The following PCMT1 variants were observed in gnomAD, a reference collection of about 807,000 sequenced individuals.
PCMT1 encodes protein-L-isoaspartate(D-aspartate) O-methyltransferase.
Under a neutral mutation model 29.2 loss-of-function variants are expected in PCMT1, and 9 were observed. The observed-to-expected ratio is 0.31, with a 90% CI of 0.19 to 0.54. PCMT1 has a LOEUF of 0.54. Among genes scored for constraint, PCMT1 ranks in the 20% least tolerant of loss-of-function variants. The pLI is 0.95. For missense variants in PCMT1, 184 were observed against 282.2 expected (o/e 0.65, Z 2.49); for synonymous variants, 98 against 97.5 (o/e 1.00, Z -0.03).
At chr6:149,793,431 T>C (rs1788462287) in intron 4 of PCMT1, 118 bp from the exon 5 acceptor site, 2 of 790,896 alleles carry the variant, frequency 2.5e-6, no homozygotes, top group East Asian at 6.7e-5. Flanking sequence ...TATAGAAGCC[T>C]TAAGCTATTT....
Position 149,763,227 on chromosome 6 carries a change from T to G in PCMT1, c.56-7935T>G, listed in dbSNP as rs1359073261. On this transcript the variant is annotated intron_variant, in intron 1 of 7. Coordinates refer to ENST00000464889, the MANE Select transcript of PCMT1 (RefSeq NM_001360452.2). ...ATATCTATGATATCTATGATATAAA[T>G]ATCTATGATATCTATGATATATATA... 3.1e-5 allele frequency among the ~76,000 whole-genome samples: 2 copies of G among 65,422 alleles called. 1 individual carries two copies. Among genetic ancestry groups the G allele is most frequent in the Non-Finnish European group, 4.8e-5 (2 of 42,008 alleles). The allele number at this position is 65,422 out of a possible 152,430, so 42.9% of individuals were successfully genotyped here.
chr6:149,754,158 G>C (rs1400654095), intron 1 of PCMT1, among the ~76,000 whole-genome samples: 1 of 152,154 alleles, frequency 6.6e-6, no homozygotes, highest in East Asian at 1.9e-4. Context: ...GTAGCTACTA[G>C]CTACATGTGG....
Position 149,810,393 on chromosome 6 carries a change from G to A in PCMT1, c.*38-223G>A, listed in dbSNP as rs556821268. On this transcript the variant is annotated intron_variant, in intron 7 of 7. Transcript: ENST00000464889. Reference sequence around the variant, plus strand: ...TAGAAATCAAAAATGAAGAACTCACGCCCTTTAGGTTGCATACTTGGTTCT... The same window carrying A: ...TAGAAATCAAAAATGAAGAACTCACACCCTTTAGGTTGCATACTTGGTTCT... Among the ~76,000 whole-genome samples the A allele has an allele frequency of 1.8e-4, 28 of 152,228 alleles. No homozygotes were observed. The South Asian group carries it at 2.7e-3, about 15-fold the overall frequency.
intron 1 of PCMT1, among the ~76,000 whole-genome samples, chr6:149,755,847 CAG>C (rs1276553958): frequency 1.3e-5 from 2 of 152,088 alleles, no homozygotes; most frequent in East Asian, 3.9e-4. Context: ...GGAGGGAGGA[CAG>C]AGTGTGTGGG....
At chr6:149,768,444 A>ATTTTT (rs548328646) in intron 1 of PCMT1, among the ~76,000 whole-genome samples, 7 of 75,852 alleles carry the variant, frequency 9.2e-5, no homozygotes, top group Non-Finnish European at 1.3e-4. Context: ...TTAGTCTTGA[A>ATTTTT]TTTTTTTTTT....
At chr6:149,750,603 C>T (rs972067438) in intron 1 of PCMT1, among the ~76,000 whole-genome samples, 1 of 152,106 alleles carries the variant, frequency 6.6e-6, no homozygotes, top group Admixed American at 6.6e-5. Flanking sequence ...GATGCTGTTC[C>T]TGAGAGACTT....
At chr6:149,769,635 C>T (rs1242474039) in intron 1 of PCMT1, among the ~76,000 whole-genome samples, 1 of 151,424 alleles carries the variant, frequency 6.6e-6, no homozygotes, top group Non-Finnish European at 1.5e-5. Flanking sequence ...GTCATGCTTT[C>T]TCACCCAAGC....
At chr6:149,807,259 G>A (rs1354492884) in intron 7 of PCMT1, among the ~76,000 whole-genome samples, 1 of 152,120 alleles carries the variant, frequency 6.6e-6, no homozygotes, top group East Asian at 1.9e-4. Context: ...ACATGTAATA[G>A]TTGTATTAGT....
intron 4 of PCMT1, among the ~76,000 whole-genome samples, chr6:149,793,156 C>G (rs1422470163): frequency 2.8e-5 from 3 of 105,742 alleles, no homozygotes; most frequent in Admixed American, 1.0e-4. Context: ...GAGCGAGACT[C>G]TCTCTCAAAA....
At chr6:149,752,864 G>A (rs556456438) in intron 1 of PCMT1, among the ~76,000 whole-genome samples, 2 of 152,212 alleles carry the variant, frequency 1.3e-5, no homozygotes, top group South Asian at 4.1e-4. Flanking sequence ...TCTTTTCCCG[G>A]TGGTTTCATA....
intron 3 of PCMT1, among the ~76,000 whole-genome samples, chr6:149,786,162 G>A (rs1460132983): frequency 1.2e-5 from 1 of 86,546 alleles, no homozygotes; most frequent in Non-Finnish European, 1.9e-5. Flanking sequence ...CGGGCGGGGG[G>A]CTGACCCCCC....
At chr6:149,783,495 A>G (rs1787897425) in intron 3 of PCMT1, among the ~76,000 whole-genome samples, 1 of 152,122 alleles carries the variant, frequency 6.6e-6, no homozygotes, top group Non-Finnish European at 1.5e-5. Flanking sequence ...TGGTGACCAC[A>G]TTTACTGAGT....
intron 7 of PCMT1, among the ~76,000 whole-genome samples, chr6:149,803,022 C>T (rs1435098379): frequency 1.6e-5 from 2 of 123,898 alleles, no homozygotes; most frequent in African/African-American, 3.1e-5. Context: ...CACTGCACTC[C>T]AGCCTGGGAG....
rs1247815745 is a variant in PCMT1, at chr6:149,762,875, GAT to G, written c.56-8280_56-8279del. 1.9e-4 allele frequency among the ~76,000 whole-genome samples: 9 copies of G among 48,540 alleles called. 3 individuals carry two copies. The highest frequency in any genetic ancestry group is 1.3e-3 in the South Asian group (2 of 1,562). 31.8% of individuals were successfully genotyped at this position (48,540 alleles called of 152,430 possible). A position where few individuals can be genotyped will look rare whatever the true frequency, so the allele number is the denominator to read the frequency against. On this transcript the variant is annotated intron_variant, in intron 1 of 7. Coordinates refer to ENST00000464889, the MANE Select transcript of PCMT1 (RefSeq NM_001360452.2). The stretch of plus-strand genomic sequence containing the variant: ...ATATATCTATGATATATATATCTAT[GAT>G]ATATATGTTATATATATCTATGATA...
rs537440197 is a variant in PCMT1 at position 149,779,535 on chromosome 6, C to T, written c.192+6366C>T. Among the ~76,000 whole-genome samples, 9 of 152,242 alleles carry T rather than the reference C, an allele frequency of 5.9e-5. No individual in the cohort carries two copies. In the Middle Eastern group the frequency reaches 0.01, roughly 173 times the overall value. On this transcript the variant is annotated intron_variant, in intron 3 of 7. Coordinates refer to ENST00000464889, the MANE Select transcript of PCMT1 (RefSeq NM_001360452.2). ...ATATAGAAGCATGAATGTGACTGGG[C>T]GGGGTGGCTCATGCCTGTAACCCTA...
At chr6:149,791,290 T>TA (rs2115313257) in intron 4 of PCMT1, among the ~76,000 whole-genome samples, 1 of 152,334 alleles carries the variant, frequency 6.6e-6, no homozygotes, top group African/African-American at 2.4e-5. Flanking sequence ...AGGATGAAGG[T>TA]AAAACTTCTG....
At position 149,761,379 on chromosome 6, in the gene PCMT1, AAG is replaced by A. The variant is rs1324387036; in HGVS notation, c.56-9781_56-9780del. The stretch of plus-strand genomic sequence containing the variant: ...TGTACATATTTAAAAGATACAGAAT[AAG>A]ATGAGCTTATAATGAAAAACAACAT... On this transcript the variant is annotated intron_variant, in intron 1 of 7. Transcript: ENST00000464889. Among the ~76,000 whole-genome samples, 3 of 152,320 alleles carry A rather than the reference AAG, an allele frequency of 2.0e-5. No individual in the cohort carries two copies. The East Asian group carries it at 5.8e-4, about 29-fold the overall frequency.
In PCMT1 at chr6:149,793,749, G is replaced by C. The variant is rs1788482147; in HGVS notation, c.418+80G>C. On this transcript the variant is annotated intron_variant, in intron 5 of 7. Transcript: ENST00000464889. ...TCCAATGCAAGCTAAATAATACTCA[G>C]AGGTAATTATTGTATTTTTTTTTAC... is the stretch of plus-strand genomic sequence containing the variant. The C allele has an allele frequency of 3.3e-6, 4 of 1,197,340 alleles. No individual in the cohort carries two copies. The Admixed American group carries it at 9.7e-5, about 29-fold the overall frequency. The allele number at this position is 1,197,340 out of a possible 1,614,324, so 74.2% of individuals were successfully genotyped here. A position where few individuals can be genotyped will look rare whatever the true frequency, so the allele number is the denominator to read the frequency against.
intron 1 of PCMT1, among the ~76,000 whole-genome samples, chr6:149,759,171 G>A (rs562247070): frequency 6.6e-6 from 1 of 152,240 alleles, no homozygotes; most frequent in East Asian, 1.9e-4. Context: ...CACCGCGCCC[G>A]GCCATGTTGT....
Sources: allele counts gnomAD v4.1 joint callset (sites outside exome capture counted in the v4.1 genomes callset), GRCh38; gene constraint gnomAD v4.1.1; transcripts MANE v1.5; gene names NCBI Gene and HGNC (gene_info 2026-07-23, HGNC 2026-07-21).